Variants in ERC1 observed in about 807,000 individuals in gnomAD.
ERC1 encodes the protein RAB6 interacting protein 2.
ERC1 carries 56 observed loss-of-function variants against 132.0 expected under a neutral mutation model. The ratio of observed to expected loss-of-function variants is 0.42; its 90% CI spans 0.34 to 0.53. ERC1 has a LOEUF of 0.53. Among genes scored for constraint, ERC1 ranks in the 20% least tolerant of loss-of-function variants. The pLI, the probability that ERC1 is intolerant of heterozygous loss-of-function variation, is 0.03. For missense variants in ERC1, 1,202 were observed against 1,349.9 expected, an observed-to-expected ratio of 0.89 and a Z score of 1.72; for synonymous variants, 478 against 476.1, an observed-to-expected ratio of 1.00 and a Z score of -0.05.
chr12:1,348,385 G>A (rs1426980357), intron 15 of ERC1, among the ~76,000 whole-genome samples: 1 of 152,104 alleles, frequency 6.6e-6, no homozygotes, highest in Admixed American at 6.5e-5. Flanking sequence ...CAGCTTAAGG[G>A]GAAAAAATGT....
At chr12:1,345,673 T>C (rs2084383045) in intron 15 of ERC1, among the ~76,000 whole-genome samples, 1 of 152,234 alleles carries the variant, frequency 6.6e-6, no homozygotes, top group South Asian at 2.1e-4. Flanking sequence ...TATAGTTTTA[T>C]ATCAGCTTTA....
intron 6 of ERC1, among the ~76,000 whole-genome samples, chr12:1,114,488 A>T: frequency 6.6e-6 from 1 of 151,700 alleles, no homozygotes; most frequent in East Asian, 1.9e-4. Flanking sequence ...AATCTTAGTC[A>T]TAGTTCTTTA....
intron 12 of ERC1, among the ~76,000 whole-genome samples, 170 bp from the exon 13 acceptor site, chr12:1,236,599 T>G (rs2075430270): frequency 6.6e-6 from 1 of 152,244 alleles, no homozygotes; most frequent in Non-Finnish European, 1.5e-5. Context: ...TGTAAACGAA[T>G]GTGCTACCAT....
intron 2 of ERC1, among the ~76,000 whole-genome samples, chr12:1,036,998 A>G (rs1969213520): frequency 1.3e-5 from 2 of 152,358 alleles, no homozygotes; most frequent in South Asian, 4.1e-4. Context: ...TGGCTTACAG[A>G]AATTTGAACT....
intron 15 of ERC1, among the ~76,000 whole-genome samples, chr12:1,369,755 G>A (rs924033424): frequency 5.3e-5 from 8 of 152,072 alleles, no homozygotes; most frequent in South Asian, 2.1e-4. Flanking sequence ...CTGGATCCTC[G>A]TGGTATAAGT....
At chr12:1,024,740 T>C (rs1384760797) in intron 1 of ERC1, among the ~76,000 whole-genome samples, 1 of 151,088 alleles carries the variant, frequency 6.6e-6, no homozygotes, top group African/African-American at 2.4e-5. Flanking sequence ...GTCTATAAAG[T>C]TGATAGCTAT....
At chr12:1,464,856 G>A (rs1328567402) in intron 18 of ERC1, among the ~76,000 whole-genome samples, 1 of 151,652 alleles carries the variant, frequency 6.6e-6, no homozygotes, top group African/African-American at 2.4e-5. Context: ...TATTAGCTTG[G>A]CCTCACACTG....
intron 15 of ERC1, among the ~76,000 whole-genome samples, chr12:1,371,181 G>A (rs1370243533): frequency 8.0e-6 from 1 of 125,696 alleles, no homozygotes; most frequent in Non-Finnish European, 1.6e-5. Flanking sequence ...CCCACTGATG[G>A]GAACTCCCCA....
At chr12:1,418,575 T>G (rs2092241116) in intron 17 of ERC1, among the ~76,000 whole-genome samples, 1 of 123,416 alleles carries the variant, frequency 8.1e-6, no homozygotes, top group Non-Finnish European at 1.8e-5. Flanking sequence ...TTTTCTTTCT[T>G]TCTTTCTTTC....
chr12:1,405,135 G>A (rs113323834), intron 16 of ERC1, among the ~76,000 whole-genome samples: 2,631 of 117,858 alleles, frequency 0.022, 71 homozygotes, highest in African/African-American at 0.087. Flanking sequence ...ACGAGACTCC[G>A]GCTCAAAAAA....
chr12:1,164,822 A>G (rs1306829389), intron 8 of ERC1, among the ~76,000 whole-genome samples: 2 of 152,148 alleles, frequency 1.3e-5, no homozygotes, highest in African/African-American at 2.4e-5. Context: ...GAAATCAAAG[A>G]GTGAGTTTTT....
At chr12:1,306,374 T>C (rs1008517522) in intron 15 of ERC1, among the ~76,000 whole-genome samples, 1 of 152,198 alleles carries the variant, frequency 6.6e-6, no homozygotes, top group African/African-American at 2.4e-5. Flanking sequence ...AATACTGAAG[T>C]AGAAAATTGG....
intron 16 of ERC1, among the ~76,000 whole-genome samples, chr12:1,377,486 G>C (rs1409299497): frequency 6.6e-6 from 1 of 152,132 alleles, no homozygotes; most frequent in Non-Finnish European, 1.5e-5. Context: ...ACGATTCAAT[G>C]CTCTGTCCAC....
intron 1 of ERC1, among the ~76,000 whole-genome samples, chr12:1,002,144 G>A (rs1335562957): frequency 2.2e-4 from 29 of 131,836 alleles, no homozygotes; most frequent in Middle Eastern, 5.7e-3. Flanking sequence ...TCACAGGTGT[G>A]AGCCACCATG....
intron 13 of ERC1, among the ~76,000 whole-genome samples, chr12:1,238,339 G>C (rs1045635960): frequency 6.6e-6 from 1 of 151,566 alleles, no homozygotes; most frequent in Non-Finnish European, 1.5e-5. Context: ...TGGATTTTTT[G>C]CTTAGTTTAT....
intron 15 of ERC1, among the ~76,000 whole-genome samples, chr12:1,310,280 G>A (rs989918538): frequency 2.0e-5 from 3 of 149,882 alleles, no homozygotes; most frequent in Non-Finnish European, 4.5e-5. Context: ...AGACTGGAGT[G>A]CAATGGGACG....
chr12:1,136,158 A>G (rs1949233373), intron 7 of ERC1, among the ~76,000 whole-genome samples: 1 of 152,210 alleles, frequency 6.6e-6, no homozygotes, highest in Admixed American at 6.5e-5. Context: ...AAGCTCCTAG[A>G]CATGACACTG....
chr12:1,159,748 T>TA (rs1216309790), intron 8 of ERC1, among the ~76,000 whole-genome samples: 1 of 152,202 alleles, frequency 6.6e-6, no homozygotes, highest in Non-Finnish European at 1.5e-5. Flanking sequence ...TTGACTTGTT[T>TA]AGTTAGGATT....
At chr12:1,300,616 C>A (rs368783985) in intron 15 of ERC1, among the ~76,000 whole-genome samples, 1 of 138,760 alleles carries the variant, frequency 7.2e-6, no homozygotes, top group East Asian at 2.3e-4. Context: ...AAGAAAAAAA[C>A]AACCCCATTA....
Sources: allele counts gnomAD v4.1 joint callset (sites outside exome capture counted in the v4.1 genomes callset), GRCh38; gene constraint gnomAD v4.1.1; transcripts MANE v1.5; gene names NCBI Gene and HGNC (gene_info 2026-07-23, HGNC 2026-07-21).